Variants in ZFR2 observed in about 807,000 individuals in gnomAD.
ZFR2 encodes zinc finger RNA binding protein 2, also known as zinc finger RNA-binding protein 2.
A neutral mutation model predicts 105.7 loss-of-function variants in ZFR2; 104 were observed. The observed-to-expected ratio is 0.98, with a 90% CI of 0.84 to 1.16. The LOEUF (loss-of-function observed/expected upper bound fraction) is 1.16, where lower values mean the gene tolerates loss of function less well. Ranked by LOEUF, ZFR2 falls within the 50% of genes most tolerant of loss-of-function variation. The pLI is 0.00. For synonymous variants in ZFR2, 634 were observed against 597.7 expected (o/e 1.06, Z -0.89); for missense variants, 1,425 against 1,355.5 (o/e 1.05, Z -0.80).
At position 3,820,304 on chromosome 19, in the gene ZFR2, A is replaced by G. The variant is rs931950766; in HGVS notation, c.1632-14T>C. On this transcript the variant is annotated splice_polypyrimidine_tract_variant and intron_variant, in intron 10 of 18. Transcript: ENST00000262961. Reference sequence around the variant, plus strand: ...TCCTCCAGCCGCCTGCAGGACCGAGACGTGACAGAGCATGGTCAGGCCAGC... The same window carrying G: ...TCCTCCAGCCGCCTGCAGGACCGAGGCGTGACAGAGCATGGTCAGGCCAGC... 1.3e-6 allele frequency: 2 copies of G among 1,540,048 alleles called. No individual in the cohort carries two copies. The highest frequency in any genetic ancestry group is 1.7e-6 in the Non-Finnish European group (2 of 1,145,468).
At chr19:3,821,169 C>T (rs2037887604) in intron 10 of ZFR2, among the ~76,000 whole-genome samples, 171 bp downstream of exon 10, 1 of 152,126 alleles carries the variant, frequency 6.6e-6, no homozygotes, top group Non-Finnish European at 1.5e-5. Flanking sequence ...GCTCTGGAAC[C>T]CTCTCACGCT....
At position 3,831,524 on chromosome 19, in the gene ZFR2, A is replaced by C. The variant is rs1318474267; in HGVS notation, c.631T>G (p.Tyr211Asp). 10 of 1,559,346 alleles carry C rather than the reference A, an allele frequency of 6.4e-6. No homozygotes were observed. In the African/African-American group the frequency reaches 1.4e-4, roughly 21 times the overall value. ...PSYPNYDASV[Y>D]SAASPFYPPA... ...GGATAGAAAGGGCTGGCAGCGGAGT[A>C]CACCGACGCGTCATAGTTCGGGTAG... is the stretch of plus-strand genomic sequence containing the variant. Residue 211 changes from tyrosine (Y) to aspartate (D), a missense_variant, in exon 5 of 19, where the codon TAC becomes GAC. By Grantham distance (160) the Tyr-to-Asp change is radical. Coordinates refer to ENST00000262961, the MANE Select transcript of ZFR2 (RefSeq NM_015174.2).
At chr19:3,855,679 G>A (rs555133688) in intron 1 of ZFR2, 22 of 377,298 alleles carry the variant, frequency 5.8e-5, no homozygotes, top group African/African-American at 3.1e-4. Context: ...ACTTTCTCAC[G>A]GGCTGGTCAT....
At chr19:3,852,180 C>A (rs1599251603) in intron 1 of ZFR2, 1 of 448,518 alleles carries the variant, frequency 2.2e-6, no homozygotes, top group Non-Finnish European at 4.0e-6. Flanking sequence ...CTGGGTGGCT[C>A]TCCTGGCCAA....
Position 3,808,942 on chromosome 19 carries a change from AG to A in ZFR2, c.2474del (p.Ala825ValfsTer23), listed in dbSNP as rs1469273344. The A allele has an allele frequency of 1.9e-6, 3 of 1,571,916 alleles. No homozygotes were observed. Among genetic ancestry groups the A allele is most frequent in the Non-Finnish European group, 2.6e-6 (3 of 1,160,928 alleles). ...LLVEKAVSSA[A>X]GPLGPGDAVR... ...CTGCATCCCCGGGGCCCAGGGGCCC[AG>A]CCGCACTGCTCACAGCCTTCTCCAC... is the stretch of plus-strand genomic sequence containing the variant. On this transcript the variant is annotated frameshift_variant, in exon 17 of 19. Transcript: ENST00000262961. LOFTEE classifies it high-confidence loss of function.
chr19:3,825,542 TCTC>T (rs2037940263), intron 6 of ZFR2, 135 bp from the exon 7 acceptor site: 5 of 1,172,444 alleles, frequency 4.3e-6, no homozygotes, highest in African/African-American at 1.6e-5. Flanking sequence ...CCCTCTCTTC[TCTC>T]CTCCTGCTCT....
chr19:3,840,330 C>T (rs780338282), intron 1 of ZFR2, among the ~76,000 whole-genome samples: 7 of 149,576 alleles, frequency 4.7e-5, no homozygotes, highest in Non-Finnish European at 1.0e-4. Flanking sequence ...CTCTGCCCCT[C>T]GGGTTCAAGC....
At chr19:3,862,410 G>A (rs1207907209) in intron 1 of ZFR2, among the ~76,000 whole-genome samples, 1 of 152,120 alleles carries the variant, frequency 6.6e-6, no homozygotes, top group Admixed American at 6.6e-5. Flanking sequence ...CGATTCTCCT[G>A]CCTCAGCCTC....
intron 1 of ZFR2, among the ~76,000 whole-genome samples, chr19:3,850,900 C>CAAAA (rs59933286): frequency 4.3e-5 from 4 of 92,494 alleles, no homozygotes; most frequent in African/African-American, 9.9e-5. Context: ...GCAGTCTTTT[C>CAAAA]AAAAAAAAAA....
intron 1 of ZFR2, chr19:3,852,528 G>A (rs1350014698): frequency 2.8e-6 from 2 of 718,528 alleles, no homozygotes; most frequent in East Asian, 5.4e-5. Context: ...GGCAGTCACA[G>A]CGTCACTTCC....
intron 1 of ZFR2, among the ~76,000 whole-genome samples, chr19:3,847,787 C>T (rs1430287895): frequency 6.6e-6 from 1 of 152,156 alleles, no homozygotes; most frequent in Non-Finnish European, 1.5e-5. Context: ...CTTGTCCTGC[C>T]TGAGCCCTAC....
At chr19:3,825,504 A>C in intron 6 of ZFR2, 97 bp from the exon 7 acceptor site, 1 of 1,455,814 alleles carries the variant, frequency 6.9e-7, no homozygotes, top group Non-Finnish European at 9.1e-7. Context: ...GTGCAGCGCG[A>C]GTGTGGGCTG....
At chr19:3,849,336 G>C (rs1456611202) in intron 1 of ZFR2, among the ~76,000 whole-genome samples, 1 of 152,220 alleles carries the variant, frequency 6.6e-6, no homozygotes, top group Admixed American at 6.5e-5. Context: ...CCACCTAAGA[G>C]GACAGTGGAG....
chr19:3,834,591 G>A lies in ZFR2; in HGVS notation c.264+182C>T, dbSNP rs1373593593. Among the ~76,000 whole-genome samples, 5 of 152,158 alleles carry A rather than the reference G, an allele frequency of 3.3e-5. No individual in the cohort carries two copies. The highest frequency in any genetic ancestry group is 6.5e-5 in the Admixed American group (1 of 15,278). On this transcript the variant is annotated intron_variant, in intron 2 of 18. Coordinates refer to ENST00000262961, the MANE Select transcript of ZFR2 (RefSeq NM_015174.2). The surrounding 1 kb of genome is among the most constrained non-coding windows in gnomAD (Gnocchi z 5.3). ...GTCCCCGAGAGCAGTGGATTCTTTC[G>A]GAAGCGACTCTGCCCTGATTTCTCC...
intron 12 of ZFR2, 113 bp downstream of exon 12, chr19:3,818,932 C>T (rs2145143883): frequency 3.0e-6 from 4 of 1,345,982 alleles, no homozygotes; most frequent in South Asian, 3.0e-5. Flanking sequence ...TGCCGCGGGC[C>T]ACCGACGGCT....
chr19:3,838,282 T>C lies in ZFR2; in HGVS notation c.54-3299A>G, dbSNP rs1434193412. ...ATGGACACTGAATGAACAGCATGAC[T>C]ACAGACACCTGATGAACACTATGAC... On this transcript the variant is annotated intron_variant, in intron 1 of 18. Transcript: ENST00000262961. The surrounding 1 kb of genome is among the most constrained non-coding windows in gnomAD (Gnocchi z 4.9). Among the ~76,000 whole-genome samples, 1 of 152,214 alleles carries C rather than the reference T, an allele frequency of 6.6e-6. No individual in the cohort carries two copies. The highest frequency in any genetic ancestry group is 1.5e-5 in the Non-Finnish European group (1 of 68,038).
rs2037755926 is a variant in ZFR2 at position 3,810,843 on chromosome 19, A to G, written c.2340T>C (p.Ala780=). Residue 780 remains alanine, a splice_region_variant and synonymous_variant, in exon 16 of 19, where the codon GCT becomes GCC. Transcript: ENST00000262961. The part of the protein sequence containing the change: ...AALRHARWFQ[A]RASGLQPCVI... ...CGCATGGCTGCAGGCCGCTGGCTCG[A>G]GCCTTCGGGGGAGAAGCACACGGTT... The G allele has an allele frequency of 6.5e-7, 1 of 1,549,964 alleles. No individual in the cohort carries two copies. The highest frequency in any genetic ancestry group is 8.7e-7 in the Non-Finnish European group (1 of 1,146,668).
rs1272155144 is a variant in ZFR2, at chr19:3,858,705, C to A, written c.53+10260G>T. On this transcript the variant is annotated intron_variant, in intron 1 of 18. Transcript: ENST00000262961. This position sits in a 1 kb window ranked among gnomAD's most constrained non-coding sequence, Gnocchi z 4.3. The stretch of plus-strand genomic sequence containing the variant: ...TGGTGGTGCATGCCTGAAATCCCAG[C>A]TACTTGGGAGGCTGAGGCAGGAGAA... 3.3e-5 allele frequency among the ~76,000 whole-genome samples: 5 copies of A among 152,298 alleles called. No individual in the cohort carries two copies. Among genetic ancestry groups the A allele is most frequent in the African/African-American group, 9.6e-5 (4 of 41,558 alleles).
intron 1 of ZFR2, among the ~76,000 whole-genome samples, chr19:3,860,162 C>G (rs973625116): frequency 4.6e-5 from 7 of 151,374 alleles, no homozygotes; most frequent in Non-Finnish European, 1.0e-4. Context: ...TCCCAAGTAG[C>G]TGGAACTACA....
Sources: gnomAD v4.1 joint callset for allele counts (sites outside exome capture counted in the v4.1 genomes callset) on GRCh38, gnomAD v4.1.1 for gene constraint, Gnocchi (gnomAD v3.1) non-coding constraint, MANE v1.5 for transcripts, NCBI Gene and HGNC (gene_info 2026-07-23, HGNC 2026-07-21) for gene names.